The following NRXN3 variants were observed in gnomAD, a reference collection of about 807,000 sequenced individuals.
NRXN3 encodes neurexin III.
Under a neutral mutation model 137.6 loss-of-function variants are expected in NRXN3, and 32 were observed. That is an observed-to-expected ratio of 0.23 (90% CI 0.18 to 0.31). The LOEUF (loss-of-function observed/expected upper bound fraction) is 0.31. Among genes scored for constraint, NRXN3 ranks in the 10% least tolerant of loss-of-function variants. The probability of loss-of-function intolerance (pLI) is 1.00; values close to 1 mark genes in which losing one functional copy is unlikely to be tolerated. For synonymous variants in NRXN3, 798 were observed against 784.5 expected (o/e 1.02, Z -0.29); for missense variants, 1,574 against 2,062.5 (o/e 0.76, Z 4.59).
intron 1 of NRXN3, among the ~76,000 whole-genome samples, chr14:78,182,257 G>A (rs1053523312): frequency 3.3e-5 from 5 of 151,916 alleles, no homozygotes; most frequent in East Asian, 1.9e-4. Context: ...GCCTTGTTAC[G>A]GAAGAGGGAA....
intron 15 of NRXN3, among the ~76,000 whole-genome samples, chr14:79,129,333 C>G (rs879819633): frequency 0.012 from 1,737 of 148,758 alleles, 23 homozygotes; most frequent in Non-Finnish European, 0.014. Flanking sequence ...AAATTTCCCT[C>G]TACACACTGC....
intron 4 of NRXN3, among the ~76,000 whole-genome samples, chr14:78,430,107 G>T (rs1350515841): frequency 4.6e-5 from 7 of 152,148 alleles, no homozygotes; most frequent in African/African-American, 1.4e-4. Flanking sequence ...GTATGGTGTT[G>T]CACGTCTACA....
intron 15 of NRXN3, among the ~76,000 whole-genome samples, chr14:79,128,509 G>C (rs1400619398): frequency 1.8e-4 from 27 of 151,326 alleles, no homozygotes; most frequent in African/African-American, 6.3e-4. Flanking sequence ...AACCAGCCTT[G>C]TATCCCAGGG....
chr14:79,569,630 T>TGTGTGTGTGA (rs775452045), intron 16 of NRXN3, among the ~76,000 whole-genome samples: 3 of 135,676 alleles, frequency 2.2e-5, no homozygotes, highest in South Asian at 2.2e-4. Context: ...TGTGTGTGTG[T>TGTGTGTGTGA]GAGAGAGAGA....
intron 4 of NRXN3, among the ~76,000 whole-genome samples, chr14:78,550,153 G>A (rs750013329): frequency 2.4e-4 from 36 of 150,854 alleles, no homozygotes; most frequent in Non-Finnish European, 4.3e-4. Context: ...TCCCACCTCA[G>A]CCTCCTGAGT....
intron 10 of NRXN3, among the ~76,000 whole-genome samples, chr14:78,890,354 A>C (rs2099155489): frequency 6.6e-6 from 1 of 151,954 alleles, no homozygotes; most frequent in Non-Finnish European, 1.5e-5. Context: ...TGAAAATATC[A>C]TTGCCTGGTA....
chr14:78,703,058 C>T (rs1401443151), intron 6 of NRXN3, among the ~76,000 whole-genome samples: 2 of 152,146 alleles, frequency 1.3e-5, no homozygotes, highest in East Asian at 3.9e-4. Flanking sequence ...ATAATCATGA[C>T]CATGGCACTA....
intron 20 of NRXN3, chr14:79,854,064 A>AC: frequency 1.0e-6 from 1 of 984,794 alleles, no homozygotes; most frequent in Non-Finnish European, 1.2e-6. Flanking sequence ...ATATTTGAAA[A>AC]ATTAGACATT....
intron 15 of NRXN3, among the ~76,000 whole-genome samples, chr14:79,138,263 T>A (rs2653554): frequency 0.98 from 149,589 of 152,280 alleles, 73,526 homozygotes; most frequent in Middle Eastern, 1. Context: ...TCATGATCCT[T>A]ACGCCTCATC....
intron 13 of NRXN3, among the ~76,000 whole-genome samples, chr14:78,967,725 G>A (rs148942050): frequency 5.1e-4 from 78 of 152,270 alleles, no homozygotes; most frequent in African/African-American, 1.9e-3. Context: ...ATCATTTAAT[G>A]TCTGGTGTCA....
intron 15 of NRXN3, among the ~76,000 whole-genome samples, chr14:79,015,882 T>A (rs2099578339): frequency 6.6e-6 from 1 of 152,138 alleles, no homozygotes; most frequent in Non-Finnish European, 1.5e-5. Flanking sequence ...ACCTCAAGAT[T>A]TGTTGCTTAT....
rs567197206 is a variant in NRXN3 at position 78,779,154 on chromosome 14, A to T, written c.2045-24466A>T. On this transcript the variant is annotated intron_variant, in intron 8 of 20. Coordinates refer to ENST00000335750, the MANE Select transcript of NRXN3 (RefSeq NM_001330195.2). ...TCTGATGGACATATCAGCAAATTTA[A>T]TTCGGTATTTTAAAAAATACATCCT... 1.9e-3 allele frequency among the ~76,000 whole-genome samples: 292 copies of T among 152,218 alleles called. 1 individual carries two copies. Among genetic ancestry groups the T allele is most frequent in the African/African-American group, 6.8e-3 (281 of 41,572 alleles).
At chr14:78,788,177 A>G (rs2098794721) in intron 8 of NRXN3, among the ~76,000 whole-genome samples, 1 of 152,158 alleles carries the variant, frequency 6.6e-6, no homozygotes, top group Non-Finnish European at 1.5e-5. Flanking sequence ...TGCTACCTGC[A>G]ACATGGAAGT....
chr14:78,311,051 C>T (rs1184749569), intron 4 of NRXN3, among the ~76,000 whole-genome samples: 1 of 152,132 alleles, frequency 6.6e-6, no homozygotes, highest in Non-Finnish European at 1.5e-5. Flanking sequence ...TTTTGACTAT[C>T]TGTGTTTTTA....
At position 79,261,464 on chromosome 14, in the gene NRXN3, A is replaced by C. The variant is rs147470604; in HGVS notation, c.3263-205757A>C. Among the ~76,000 whole-genome samples, 92 of 152,232 alleles carry C rather than the reference A, an allele frequency of 6.0e-4. 1 individual carries two copies. Among genetic ancestry groups the C allele is most frequent in the African/African-American group, 2.0e-3 (84 of 41,546 alleles). On this transcript the variant is annotated intron_variant, in intron 15 of 20. Coordinates refer to ENST00000335750, the MANE Select transcript of NRXN3 (RefSeq NM_001330195.2). ...AGAGATTTATCCTGACTTGAAGATG[A>C]GGGGACGTCTCATGGAAGAGGAGGC...
intron 19 of NRXN3, among the ~76,000 whole-genome samples, chr14:79,765,361 C>T (rs1457781700): frequency 6.6e-6 from 1 of 152,206 alleles, no homozygotes; most frequent in Non-Finnish European, 1.5e-5. Context: ...AAAACATCCT[C>T]CCAGTTCTCT....
chr14:79,179,764 T>C (rs1345626444), intron 15 of NRXN3, among the ~76,000 whole-genome samples: 2 of 152,178 alleles, frequency 1.3e-5, no homozygotes, highest in African/African-American at 2.4e-5. Flanking sequence ...TTGCCAGTGG[T>C]GAAGAAGATA....
At chr14:78,815,176 A>G (rs2098928108) in intron 10 of NRXN3, among the ~76,000 whole-genome samples, 1 of 152,180 alleles carries the variant, frequency 6.6e-6, no homozygotes, top group Non-Finnish European at 1.5e-5. Flanking sequence ...TTTCTCTGTG[A>G]CAAGGTTTAT....
intron 19 of NRXN3, among the ~76,000 whole-genome samples, chr14:79,714,536 CAAAT>C (rs1190878882): frequency 6.6e-6 from 1 of 151,912 alleles, no homozygotes; most frequent in Non-Finnish European, 1.5e-5. Flanking sequence ...TATTTTGACT[CAAAT>C]AACTATAGGG....
Sources: gnomAD v4.1 joint callset for allele counts (sites outside exome capture counted in the v4.1 genomes callset) on GRCh38, gnomAD v4.1.1 for gene constraint, MANE v1.5 for transcripts, NCBI Gene and HGNC (gene_info 2026-07-23, HGNC 2026-07-21) for gene names.